The following USP32 variants were observed in gnomAD, a reference collection of about 807,000 sequenced individuals.
The protein encoded by USP32 is ubiquitin carboxyl-terminal hydrolase 32.
A neutral mutation model predicts 204.8 loss-of-function variants in USP32; 59 were observed. The ratio of observed to expected loss-of-function variants is 0.29; its 90% CI spans 0.23 to 0.36. The LOEUF is 0.36. Among genes scored for constraint, USP32 ranks in the 10% least tolerant of loss-of-function variants. USP32 has a pLI of 1.00. For synonymous variants in USP32, 517 were observed against 678.4 expected, an observed-to-expected ratio of 0.76 and a Z score of 3.70; for missense variants, 1,160 against 1,946.4, an observed-to-expected ratio of 0.60 and a Z score of 7.60.
chr17:60,220,517 T>G (rs1377700352), intron 15 of USP32, among the ~76,000 whole-genome samples: 3 of 152,256 alleles, frequency 2.0e-5, no homozygotes, highest in Non-Finnish European at 4.4e-5. Context: ...GAACAGGATT[T>G]TTAAGTAGTT....
rs140053785 is a variant in USP32, at chr17:60,340,539, C to G, written c.186+4942G>C. ...TTTGCTTGGTAGATCTTTCTCCATC[C>G]CTTTATTTTGAGCCTATGTACGACT... On this transcript the variant is annotated intron_variant, in intron 2 of 33. Transcript: ENST00000300896. Among the ~76,000 whole-genome samples the G allele has an allele frequency of 1.2e-4, 19 of 152,282 alleles. 1 individual carries two copies. In the East Asian group the frequency reaches 3.1e-3, roughly 25 times the overall value.
chr17:60,384,734 G>A lies in USP32; in HGVS notation c.58+7148C>T, dbSNP rs919944151. Reference sequence around the variant, plus strand: ...TTGAATTCGGGAGGCGGAGGTTGCAGTGAGCCGAGACTGTGCCATTGCACT... The same window carrying A: ...TTGAATTCGGGAGGCGGAGGTTGCAATGAGCCGAGACTGTGCCATTGCACT... On this transcript the variant is annotated intron_variant, in intron 1 of 33. Transcript: ENST00000300896. Among the ~76,000 whole-genome samples the A allele has an allele frequency of 2.6e-5, 4 of 151,838 alleles. No individual in the cohort carries two copies. The South Asian group carries it at 8.3e-4, about 32-fold the overall frequency.
At chr17:60,347,761 C>T (rs1302041505) in intron 1 of USP32, among the ~76,000 whole-genome samples, 2 of 151,866 alleles carry the variant, frequency 1.3e-5, no homozygotes, top group Non-Finnish European at 2.9e-5. Flanking sequence ...CAGGCTTGAG[C>T]CACCGCACAC....
intron 1 of USP32, among the ~76,000 whole-genome samples, chr17:60,413,347 G>A (rs980793253): frequency 1.3e-5 from 2 of 152,156 alleles, no homozygotes; most frequent in African/African-American, 2.4e-5. Flanking sequence ...GCCAAACAAG[G>A]AGAGCTGGCA....
intron 12 of USP32, among the ~76,000 whole-genome samples, chr17:60,229,971 G>T (rs1039972445): frequency 6.6e-6 from 1 of 152,020 alleles, no homozygotes; most frequent in African/African-American, 2.4e-5. Flanking sequence ...GCACCACTGC[G>T]CCTGGCTAAT....
chr17:60,208,027 A>C, intron 24 of USP32, 32 bp downstream of exon 24: 1 of 1,546,104 alleles, frequency 6.5e-7, no homozygotes, highest in Non-Finnish European at 8.8e-7. Context: ...TGGAGGATAG[A>C]ATCAAAAGTT....
At chr17:60,367,036 C>T (rs2089331047) in intron 1 of USP32, among the ~76,000 whole-genome samples, 1 of 152,082 alleles carries the variant, frequency 6.6e-6, no homozygotes, top group Non-Finnish European at 1.5e-5. Context: ...ACCGTGTTAG[C>T]CAGGATGGTC....
rs1167212063 is a variant in USP32 at position 60,208,048 on chromosome 17, G to A, written c.2925+11C>T. 1 of 1,558,712 alleles carries A rather than the reference G, an allele frequency of 6.4e-7. No homozygotes were observed. The highest frequency in any genetic ancestry group is 8.7e-7 in the Non-Finnish European group (1 of 1,152,630). ...ATAGAATCAAAAGTTTCTTAGAGTA[G>A]TTAATATTACCTTTATGTTGGAACC... On this transcript the variant is annotated intron_variant, in intron 24 of 33. Coordinates refer to ENST00000300896, the MANE Select transcript of USP32 (RefSeq NM_032582.4).
In USP32 at chr17:60,271,521, T is replaced by C. The variant is rs754500694; in HGVS notation, c.572-40A>G. On this transcript the variant is annotated intron_variant, in intron 5 of 33. Transcript: ENST00000300896. The stretch of plus-strand genomic sequence containing the variant: ...AAAAAAGATTATAAAACCTCAGAAT[T>C]CTCTTCTCAGGAGTTCAGTTCATCC... 104 of 1,602,834 alleles carry C rather than the reference T, an allele frequency of 6.5e-5. 1 individual carries two copies. In the Middle Eastern group the frequency reaches 2.3e-3, roughly 36 times the overall value.
intron 1 of USP32, among the ~76,000 whole-genome samples, chr17:60,413,093 A>G (rs754186490): frequency 2.0e-5 from 3 of 152,232 alleles, no homozygotes; most frequent in Non-Finnish European, 2.9e-5. Flanking sequence ...ATGGAAAACT[A>G]CAGTAAATAT....
At chr17:60,421,614 G>C (rs1472241716) in intron 1 of USP32, 1 of 979,774 alleles carries the variant, frequency 1.0e-6, no homozygotes, top group South Asian at 4.7e-5. Context: ...GTCTCTCGTC[G>C]CCGGGACCCC....
intron 1 of USP32, among the ~76,000 whole-genome samples, chr17:60,404,531 T>C (rs1451150509): frequency 6.6e-6 from 1 of 152,184 alleles, no homozygotes; most frequent in Non-Finnish European, 1.5e-5. Flanking sequence ...GAACTAGTTC[T>C]AGGAGAAACC....
chr17:60,223,437 G>T lies in USP32; in HGVS notation c.1582C>A (p.Pro528Thr). The T allele has an allele frequency of 6.2e-7, 1 of 1,610,996 alleles. No homozygotes were observed. Among genetic ancestry groups the T allele is most frequent in the Non-Finnish European group, 8.5e-7 (1 of 1,179,272 alleles). Residue 528 changes from proline (P) to threonine (T), a missense_variant, in exon 14 of 34, where the codon CCA becomes ACA. Coordinates refer to ENST00000300896, the MANE Select transcript of USP32 (RefSeq NM_032582.4). ...PQKPGAIDNQ[P>T]LVTQEPVKAT... ...TTTACTGGTTCTTGAGTTACTAATG[G>T]CTGATTATCAATAGCCCCTGGTTTC...
intron 1 of USP32, among the ~76,000 whole-genome samples, chr17:60,375,200 G>A (rs747896032): frequency 7.2e-5 from 11 of 152,018 alleles, no homozygotes; most frequent in Non-Finnish European, 1.5e-4. Context: ...TGGATACCAC[G>A]CTTCTTCTTA....
chr17:60,314,029 A>G (rs556940259), intron 2 of USP32, among the ~76,000 whole-genome samples: 27 of 152,248 alleles, frequency 1.8e-4, no homozygotes, highest in Non-Finnish European at 3.1e-4. Context: ...AAGAATTTAA[A>G]CAAAAATAAA....
chr17:60,390,540 A>G (rs1409172860), intron 1 of USP32, among the ~76,000 whole-genome samples: 1 of 152,190 alleles, frequency 6.6e-6, no homozygotes, highest in Non-Finnish European at 1.5e-5. Context: ...TCCACAAGGG[A>G]AAAAGAAAGA....
chr17:60,303,738 A>G (rs988907451), intron 2 of USP32, among the ~76,000 whole-genome samples: 3 of 152,208 alleles, frequency 2.0e-5, no homozygotes, highest in Non-Finnish European at 2.9e-5. Context: ...AGAAAGAAGG[A>G]AAAACCCAAT....
intron 5 of USP32, among the ~76,000 whole-genome samples, chr17:60,282,335 T>C (rs1230500526): frequency 6.6e-6 from 1 of 152,158 alleles, no homozygotes; most frequent in African/African-American, 2.4e-5. Context: ...TCATAATTCA[T>C]TTCCCCCTAA....
chr17:60,409,106 G>C (rs890440465), intron 1 of USP32, among the ~76,000 whole-genome samples: 26 of 152,178 alleles, frequency 1.7e-4, no homozygotes, highest in African/African-American at 6.3e-4. Context: ...CCAGCACTTT[G>C]GGAGGCCGAG....
Sources: gnomAD v4.1 joint callset for allele counts (sites outside exome capture counted in the v4.1 genomes callset) on GRCh38, gnomAD v4.1.1 for gene constraint, MANE v1.5 for transcripts, NCBI Gene and HGNC (gene_info 2026-07-23, HGNC 2026-07-21) for gene names.